Variants in SNX6 observed in about 807,000 individuals in gnomAD.
The protein encoded by SNX6 is sorting nexin 6.
SNX6 carries 34 observed loss-of-function variants against 63.0 expected under a neutral mutation model. The ratio of observed to expected loss-of-function variants is 0.54; its 90% CI spans 0.41 to 0.72. The LOEUF (loss-of-function observed/expected upper bound fraction) is 0.72, where lower values mean the gene tolerates loss of function less well. SNX6 is among the 30% of genes least tolerant of loss of function. The pLI, the probability that SNX6 is intolerant of heterozygous loss-of-function variation, is 0.00. For missense variants in SNX6, 398 were observed against 471.4 expected (o/e 0.84, Z 1.44); for synonymous variants, 170 against 164.2 (o/e 1.04, Z -0.27).
chr14:34,565,401 A>C (rs1881132853), intron 13 of SNX6, among the ~76,000 whole-genome samples: 1 of 151,852 alleles, frequency 6.6e-6, no homozygotes, highest in Admixed American at 6.6e-5. Context: ...TAAAGAAAAA[A>C]AAAACCCAAC....
intron 8 of SNX6, among the ~76,000 whole-genome samples, chr14:34,591,446 G>T (rs1219533093): frequency 2.6e-5 from 4 of 152,070 alleles, no homozygotes. Flanking sequence ...GGTCTATCTA[G>T]CCGGGCACGG....
chr14:34,597,691 C>A (rs1473392893), intron 6 of SNX6, 46 bp from the exon 7 acceptor site: 3 of 1,032,782 alleles, frequency 2.9e-6, no homozygotes, highest in Non-Finnish European at 4.4e-6. Flanking sequence ...AAATGGAAAG[C>A]AGTGCCTCCT....
intron 2 of SNX6, among the ~76,000 whole-genome samples, chr14:34,609,958 T>C (rs1341531660): frequency 6.6e-6 from 1 of 152,174 alleles, no homozygotes; most frequent in Non-Finnish European, 1.5e-5. Flanking sequence ...TCTAGAATTT[T>C]CATTTTATAG....
intron 2 of SNX6, among the ~76,000 whole-genome samples, chr14:34,627,319 C>T (rs28537636): frequency 0.19 from 28,803 of 151,994 alleles, 3,064 homozygotes; most frequent in African/African-American, 0.27. Flanking sequence ...CGGTGGCGGG[C>T]GCCTGTAGTC....
Position 34,567,721 on chromosome 14 carries a change from C to T in SNX6, c.1132G>A (p.Val378Met). 2 of 1,613,908 alleles carry T rather than the reference C, an allele frequency of 1.2e-6. No individual in the cohort carries two copies. Among genetic ancestry groups the T allele is most frequent in the Middle Eastern group, 1.7e-4 (1 of 6,058 alleles). Residue 378 changes from valine to methionine, a missense_variant, in exon 13 of 14, where the codon GTG (valine) becomes ATG (methionine). Coordinates refer to ENST00000362031, the MANE Select transcript of SNX6 (RefSeq NM_152233.4). The part of the protein sequence containing the change: ...RRVAAFRKNL[V>M]ELAELELKHA... ...TTCAGTTCTAACTCTGCCAGTTCCA[C>T]TAAATTTTTTCTGAATGCAGCAACT...
chr14:34,603,538 T>C, intron 5 of SNX6, 67 bp from the exon 6 acceptor site: 1 of 1,371,608 alleles, frequency 7.3e-7, no homozygotes, highest in Non-Finnish European at 9.9e-7. Context: ...GCAACAATTT[T>C]TTTCAGAAAA....
At chr14:34,579,808 C>T (rs1881864448) in intron 10 of SNX6, among the ~76,000 whole-genome samples, 1 of 146,814 alleles carries the variant, frequency 6.8e-6, no homozygotes, top group Admixed American at 6.8e-5. Flanking sequence ...GGCAACATAG[C>T]AAGACCCTGT....
rs1011014894 is a variant in SNX6 at position 34,605,622 on chromosome 14, G to A, written c.366C>T (p.Phe122=). 1.3e-6 allele frequency: 2 copies of A among 1,589,360 alleles called. No individual in the cohort carries two copies. The highest frequency in any genetic ancestry group is 1.7e-6 in the Non-Finnish European group (2 of 1,171,214). The change falls in exon 5 of 14, where the codon TTC becomes TTT. Residue 122 remains phenylalanine (F), a synonymous_variant. Transcript: ENST00000362031. ...EGEGSMTKEE[F]TKMKQELEAE... is the part of the protein sequence containing the mutation. ...CTTCCAGTTCCTGTTTCATCTTTGT[G>A]AATTCTTCCTTCGTCATTGACCCTT...
intron 11 of SNX6, among the ~76,000 whole-genome samples, chr14:34,573,044 C>T (rs149586995): frequency 3.2e-4 from 48 of 152,220 alleles, no homozygotes; most frequent in African/African-American, 1.1e-3. Context: ...TATACAGTGG[C>T]AATCACGGCT....
intron 9 of SNX6, among the ~76,000 whole-genome samples, chr14:34,584,772 GAGT>G (rs1882085688): frequency 6.6e-6 from 1 of 151,838 alleles, no homozygotes; most frequent in African/African-American, 2.4e-5. Context: ...TAGAGAGAGA[GAGT>G]AAAGTCGATT....
At chr14:34,563,523 C>A (rs1248515221) in intron 13 of SNX6, among the ~76,000 whole-genome samples, 1 of 148,346 alleles carries the variant, frequency 6.7e-6, no homozygotes, top group African/African-American at 2.5e-5. Flanking sequence ...CGCGCCACTG[C>A]ACTCCACCCT....
chr14:34,580,307 C>T (rs1881884195), intron 10 of SNX6, among the ~76,000 whole-genome samples: 1 of 152,104 alleles, frequency 6.6e-6, no homozygotes, highest in Admixed American at 6.6e-5. Context: ...ATTTTCTATT[C>T]ATTTTCTTTC....
At chr14:34,629,825 C>T in intron 2 of SNX6, 82 bp downstream of exon 2, 1 of 1,536,256 alleles carries the variant, frequency 6.5e-7, no homozygotes, top group Non-Finnish European at 8.8e-7. Context: ...CGGCTGGGGA[C>T]CCATCCCCGT....
At chr14:34,585,525 AAAAACT>A (rs1216050264) in intron 9 of SNX6, among the ~76,000 whole-genome samples, 2 of 152,280 alleles carry the variant, frequency 1.3e-5, no homozygotes, top group East Asian at 3.9e-4. Context: ...GTTTCAAAAC[AAAAACT>A]AAAACAAAAA....
intron 11 of SNX6, chr14:34,568,702 T>C (rs1881304086): frequency 1.1e-6 from 1 of 923,034 alleles, no homozygotes; most frequent in African/African-American, 1.6e-5. Context: ...ATGCTTCTTG[T>C]TGGCAACTGC....
rs1352598704 is a variant in SNX6, at chr14:34,562,229, TACTCTGCTCCTGTATTTCAG to T, written c.*873_*892del. The T allele has an allele frequency of 6.6e-6, 1 of 152,260 alleles. No individual in the cohort carries two copies. The highest frequency in any genetic ancestry group is 2.4e-5 in the African/African-American group (1 of 41,434). 9.4% of individuals were successfully genotyped at this position (152,260 alleles called of 1,614,324 possible). On this transcript the variant is annotated 3_prime_UTR_variant, in exon 14 of 14. Coordinates refer to ENST00000362031, the MANE Select transcript of SNX6 (RefSeq NM_152233.4). ...GAATCCGGGAAACCACAACAGACTG[TACTCTGCTCCTGTATTTCAG>T]GAATAACTGTCACTAACCTGCCTCT...
intron 2 of SNX6, among the ~76,000 whole-genome samples, chr14:34,611,705 G>T (rs531658238): frequency 2.8e-4 from 40 of 141,710 alleles, no homozygotes; most frequent in African/African-American, 1.1e-3. Context: ...AGCAGAGATT[G>T]TGCCACTACA....
chr14:34,626,021 C>A (rs1883812623), intron 2 of SNX6, among the ~76,000 whole-genome samples: 1 of 152,084 alleles, frequency 6.6e-6, no homozygotes, highest in Non-Finnish European at 1.5e-5. Context: ...CCTCAGACTA[C>A]TAACTTAGTT....
chr14:34,581,454 A>C, intron 10 of SNX6, 107 bp downstream of exon 10: 1 of 603,624 alleles, frequency 1.7e-6, no homozygotes, highest in Non-Finnish European at 3.0e-6. Flanking sequence ...CCTGGCCAAT[A>C]GTGATCACTC....
Sources: gnomAD v4.1 joint callset for allele counts (sites outside exome capture counted in the v4.1 genomes callset) on GRCh38, gnomAD v4.1.1 for gene constraint, MANE v1.5 for transcripts, NCBI Gene and HGNC (gene_info 2026-07-23, HGNC 2026-07-21) for gene names.